ELAPOR1: variants seen among roughly 807,000 people sequenced by gnomAD.
The protein encoded by ELAPOR1 is endosome/lysosome-associated apoptosis and autophagy regulator 1.
Under a neutral mutation model 119.7 loss-of-function variants are expected in ELAPOR1, and 77 were observed. The observed-to-expected ratio is 0.64, with a 90% CI of 0.54 to 0.78. The LOEUF (loss-of-function observed/expected upper bound fraction) is 0.78. Among genes scored for constraint, ELAPOR1 ranks in the 30% least tolerant of loss-of-function variants. The pLI is 0.00. For synonymous variants in ELAPOR1, 481 were observed against 487.2 expected (o/e 0.99, Z 0.17); for missense variants, 1,115 against 1,270.4 (o/e 0.88, Z 1.86).
chr1:109,186,313 T>A (rs911746087), intron 8 of ELAPOR1, among the ~76,000 whole-genome samples: 1 of 152,012 alleles, frequency 6.6e-6, no homozygotes, highest in African/African-American at 2.4e-5. Context: ...CGGAGAAGGA[T>A]CTGGCTGAGC....
intron 1 of ELAPOR1, among the ~76,000 whole-genome samples, chr1:109,147,026 C>T (rs959956956): frequency 6.6e-6 from 1 of 152,046 alleles, no homozygotes; most frequent in African/African-American, 2.4e-5. Context: ...CTGCCTCAGC[C>T]TCCGGAATAG....
intron 7 of ELAPOR1, among the ~76,000 whole-genome samples, chr1:109,174,931 G>C (rs1652172258): frequency 6.6e-6 from 1 of 152,078 alleles, no homozygotes; most frequent in African/African-American, 2.4e-5. Context: ...TAGCCAGGGT[G>C]GTCTCGATCT....
intron 1 of ELAPOR1, among the ~76,000 whole-genome samples, chr1:109,135,599 C>A (rs529722979): frequency 6.6e-6 from 1 of 152,136 alleles, no homozygotes; most frequent in Non-Finnish European, 1.5e-5. Context: ...CTGCTGCCCC[C>A]ACAGGTCCTG....
chr1:109,158,926 T>A lies in ELAPOR1; in HGVS notation c.154-2968T>A, dbSNP rs1465721985. ...TTTTTTTTTTAGACGGAGTCTTGCT[T>A]TTTTTGCCCAGGCTGGAGTAAAGTG... is the stretch of plus-strand genomic sequence containing the variant. On this transcript the variant is annotated intron_variant, in intron 1 of 21. Coordinates refer to ENST00000369939, the MANE Select transcript of ELAPOR1 (RefSeq NM_020775.5). 2.6e-5 allele frequency among the ~76,000 whole-genome samples: 4 copies of A among 151,996 alleles called. No homozygotes were observed. In the East Asian group the frequency reaches 7.7e-4, roughly 29 times the overall value.
intron 17 of ELAPOR1, 69 bp downstream of exon 17, chr1:109,198,144 C>T: frequency 2.5e-6 from 3 of 1,191,192 alleles, no homozygotes; most frequent in Non-Finnish European, 3.8e-6. Flanking sequence ...CTGCATCCCT[C>T]CCTCTCTAGC....
At chr1:109,154,783 A>T (rs547138138) in intron 1 of ELAPOR1, among the ~76,000 whole-genome samples, 1 of 152,326 alleles carries the variant, frequency 6.6e-6, no homozygotes, top group Admixed American at 6.5e-5. Flanking sequence ...TGCAGGGGTT[A>T]TTTCGAAGCA....
Position 109,173,682 on chromosome 1 carries a change from C to T in ELAPOR1, c.803-6C>T. The stretch of plus-strand genomic sequence containing the variant: ...CTTGCTTTTCTGTGCTCTTCCTCCT[C>T]CCTAGGGGTGGCCTACACTTCAGAA... On this transcript the variant is annotated splice_polypyrimidine_tract_variant and splice_region_variant and intron_variant, in intron 6 of 21. Coordinates refer to ENST00000369939, the MANE Select transcript of ELAPOR1 (RefSeq NM_020775.5). 2 of 1,613,966 alleles carry T rather than the reference C, an allele frequency of 1.2e-6. No individual in the cohort carries two copies. The highest frequency in any genetic ancestry group is 1.7e-6 in the Non-Finnish European group (2 of 1,179,926).
At chr1:109,150,865 A>G (rs1650491773) in intron 1 of ELAPOR1, among the ~76,000 whole-genome samples, 1 of 152,224 alleles carries the variant, frequency 6.6e-6, no homozygotes, top group Non-Finnish European at 1.5e-5. Flanking sequence ...TTGGTTTGAT[A>G]AAATATTAAG....
chr1:109,197,706 T>G, intron 16 of ELAPOR1, 52 bp downstream of exon 16: 1 of 1,538,762 alleles, frequency 6.5e-7, no homozygotes. Flanking sequence ...TGTGTGTGTG[T>G]GTGTGTGTAT....
At chr1:109,152,074 A>G (rs1650567736) in intron 1 of ELAPOR1, among the ~76,000 whole-genome samples, 1 of 152,078 alleles carries the variant, frequency 6.6e-6, no homozygotes, top group Admixed American at 6.6e-5. Flanking sequence ...GGGTTTTGCC[A>G]TATTGCCCAG....
chr1:109,188,337 C>T lies in ELAPOR1; in HGVS notation c.1202C>T (p.Ser401Phe). 2 of 1,612,888 alleles carry T rather than the reference C, an allele frequency of 1.2e-6. No homozygotes were observed. Among genetic ancestry groups the T allele is most frequent in the Non-Finnish European group, 8.5e-7 (1 of 1,179,040 alleles). ...NSTCQPCPYG[S>F]YSNGSDCTRC... ...ACCTGCCAGCCCTGCCCATATGGTT[C>T]CTACTCCAATGGCTCAGGTAACCTC... Residue 401 changes from serine (S) to phenylalanine (F), a missense_variant, in exon 9 of 22, where the codon TCC (serine) becomes TTC (phenylalanine). Physicochemically the swap from Ser to Phe is radical, Grantham distance 155 (BLOSUM62 -2). Coordinates refer to ENST00000369939, the MANE Select transcript of ELAPOR1 (RefSeq NM_020775.5).
At chr1:109,116,680 CTTTTTT>C (rs71069649) in intron 1 of ELAPOR1, among the ~76,000 whole-genome samples, 1 of 96,876 alleles carries the variant, frequency 1.0e-5, no homozygotes. Flanking sequence ...CTTCTCTGTT[CTTTTTT>C]TTTTTTTTTT....
chr1:109,144,061 A>ATATTTTTTTTTTTTTTTTTTTTT, intron 1 of ELAPOR1, among the ~76,000 whole-genome samples: 3 of 89,018 alleles, frequency 3.4e-5, no homozygotes, highest in African/African-American at 4.8e-5. Flanking sequence ...ATATTTATAT[A>ATATTTTTTTTTTTTTTTTTTTTT]TTTTTTTTTT....
chr1:109,166,308 C>A (rs189984501), intron 3 of ELAPOR1, among the ~76,000 whole-genome samples: 136 of 152,310 alleles, frequency 8.9e-4, no homozygotes, highest in African/African-American at 3.1e-3. Flanking sequence ...CTGCCTCAGC[C>A]TCCCAAAGTG....
At chr1:109,149,517 G>A (rs1337583903) in intron 1 of ELAPOR1, among the ~76,000 whole-genome samples, 1 of 152,148 alleles carries the variant, frequency 6.6e-6, no homozygotes, top group East Asian at 1.9e-4. Flanking sequence ...GCAGGGTCTA[G>A]ACCTTTTGGC....
intron 3 of ELAPOR1, among the ~76,000 whole-genome samples, chr1:109,170,977 A>G (rs1651884253): frequency 6.6e-6 from 1 of 152,226 alleles, no homozygotes; most frequent in Non-Finnish European, 1.5e-5. Context: ...AGCATCTTAT[A>G]GTAGACATTT....
chr1:109,141,336 C>G (rs1252505885), intron 1 of ELAPOR1, among the ~76,000 whole-genome samples: 1 of 152,112 alleles, frequency 6.6e-6, no homozygotes, highest in Non-Finnish European at 1.5e-5. Flanking sequence ...TCTTGGCTCA[C>G]TGCAAGCTCT....
chr1:109,159,205 C>T (rs540786694), intron 1 of ELAPOR1, among the ~76,000 whole-genome samples: 1 of 152,078 alleles, frequency 6.6e-6, no homozygotes, highest in Non-Finnish European at 1.5e-5. Context: ...AAGCTTATGT[C>T]TTGAATGGTG....
chr1:109,145,421 C>T (rs550859166), intron 1 of ELAPOR1, among the ~76,000 whole-genome samples: 14 of 152,164 alleles, frequency 9.2e-5, no homozygotes, highest in Admixed American at 5.9e-4. Context: ...TTTGGGAGGC[C>T]GAGATGGGCC....
Sources: allele counts gnomAD v4.1 joint callset (sites outside exome capture counted in the v4.1 genomes callset), GRCh38; gene constraint gnomAD v4.1.1; transcripts MANE v1.5; gene names NCBI Gene and HGNC (gene_info 2026-07-23, HGNC 2026-07-21).